Variants in CD244 observed in about 807,000 individuals in gnomAD.
CD244 encodes natural killer cell receptor 2B4.
Under a neutral mutation model 45.5 loss-of-function variants are expected in CD244, and 20 were observed. The ratio of observed to expected loss-of-function variants is 0.44; its 90% CI spans 0.31 to 0.64. The LOEUF (loss-of-function observed/expected upper bound fraction) is 0.64, where lower values mean the gene tolerates loss of function less well. CD244 is among the 30% of genes least tolerant of loss of function. The pLI, the probability that CD244 is intolerant of heterozygous loss-of-function variation, is 0.08. For synonymous variants in CD244, 185 were observed against 160.5 expected (o/e 1.15, Z -1.15); for missense variants, 407 against 426.9 (o/e 0.95, Z 0.41).
chr1:160,853,625 A>C (rs576783231), intron 1 of CD244, among the ~76,000 whole-genome samples: 1 of 152,096 alleles, frequency 6.6e-6, no homozygotes, highest in Non-Finnish European at 1.5e-5. Context: ...CCCATTGTGG[A>C]AACATTACCA....
At chr1:160,855,674 G>C (rs1051363766) in intron 1 of CD244, among the ~76,000 whole-genome samples, 1 of 152,346 alleles carries the variant, frequency 6.6e-6, no homozygotes, top group African/African-American at 2.4e-5. Context: ...AGAGGCCACA[G>C]TCCAGGAAGG....
At chr1:160,862,592 C>G (rs372332184) in intron 1 of CD244, 25 bp downstream of exon 1, 13 of 1,610,198 alleles carry the variant, frequency 8.1e-6, no homozygotes, top group Non-Finnish European at 1.0e-5. Context: ...CCTCCCTCGC[C>G]CCACGCCAGG....
rs191986949 is a variant in CD244 at position 160,830,863 on chromosome 1, C to T, written c.*484G>A. 1.1e-4 allele frequency: 17 copies of T among 156,448 alleles called. No individual in the cohort carries two copies. The highest frequency in any genetic ancestry group is 4.3e-4 in the Admixed American group (7 of 16,216). The allele number at this position is 156,448 out of a possible 1,614,324, so 9.7% of individuals were successfully genotyped here. Reference sequence around the variant, plus strand: ...CAGAACCTGCCAGCCAGTTCACAGCCGGACAGTCCAGGCTTTCAGAGGAGG... The same window carrying T: ...CAGAACCTGCCAGCCAGTTCACAGCTGGACAGTCCAGGCTTTCAGAGGAGG... On this transcript the variant is annotated 3_prime_UTR_variant, in exon 9 of 9. Coordinates refer to ENST00000368034, the MANE Select transcript of CD244 (RefSeq NM_016382.4).
intron 1 of CD244, among the ~76,000 whole-genome samples, chr1:160,855,578 C>G (rs74124344): frequency 0.018 from 2,722 of 152,298 alleles, 77 homozygotes; most frequent in African/African-American, 0.062. Flanking sequence ...TGAAATGCTA[C>G]TACGAAAACA....
chr1:160,836,874 A>C (rs2101864703), intron 5 of CD244, among the ~76,000 whole-genome samples: 1 of 152,358 alleles, frequency 6.6e-6, no homozygotes, highest in South Asian at 2.1e-4. Context: ...CAGTGGAGGC[A>C]GCAGGGTTCA....
At chr1:160,838,661 C>G (rs1046971780) in intron 4 of CD244, 143 bp from the exon 5 acceptor site, 6 of 679,272 alleles carry the variant, frequency 8.8e-6, no homozygotes, top group African/African-American at 3.6e-5. Context: ...TTCCCAGGAA[C>G]CCCAAAGAGC....
rs1309236517 is a variant in CD244, at chr1:160,831,221, A to G, written c.*126T>C. 2 of 700,754 alleles carry G rather than the reference A, an allele frequency of 2.9e-6. No homozygotes were observed. The highest frequency in any genetic ancestry group is 3.6e-5 in the African/African-American group (2 of 56,178). The allele number at this position is 700,754 out of a possible 1,614,324, so 43.4% of individuals were successfully genotyped here. On this transcript the variant is annotated 3_prime_UTR_variant, in exon 9 of 9. Transcript: ENST00000368034. ...TCATTTTCAAAACAAAATATAGAAC[A>G]AGAACAAATTTCCATATCCTCTCCA...
chr1:160,835,665 A>T (rs1292503612), intron 6 of CD244, among the ~76,000 whole-genome samples: 5 of 152,170 alleles, frequency 3.3e-5, no homozygotes, highest in Non-Finnish European at 7.3e-5. Context: ...GACTCATGAC[A>T]CCAAATGCCA....
At chr1:160,836,327 A>C (rs1452856805) in intron 5 of CD244, 73 bp from the exon 6 acceptor site, 7 of 1,185,944 alleles carry the variant, frequency 5.9e-6, no homozygotes, top group Non-Finnish European at 7.5e-6. Flanking sequence ...AGTGGGGAAA[A>C]ACAGCACAAA....
At chr1:160,838,355 G>A (rs145204194) in intron 5 of CD244, 96 bp downstream of exon 5, 30 of 903,894 alleles carry the variant, frequency 3.3e-5, no homozygotes, top group Non-Finnish European at 4.7e-5. Flanking sequence ...AAGGACAGTC[G>A]TTCAGTCCTT....
At chr1:160,850,646 C>A (rs1669888147) in intron 1 of CD244, among the ~76,000 whole-genome samples, 1 of 152,166 alleles carries the variant, frequency 6.6e-6, no homozygotes, top group Non-Finnish European at 1.5e-5. Context: ...ATATAATAGT[C>A]TAGAAATAGA....
rs1669102831 is a variant in CD244, at chr1:160,831,244, C to CA, written c.*102_*103insT. The CA allele has an allele frequency of 3.8e-6, 3 of 794,188 alleles. No individual in the cohort carries two copies. Among genetic ancestry groups the CA allele is most frequent in the Non-Finnish European group, 6.4e-6 (3 of 467,272 alleles). 49.2% of individuals were successfully genotyped at this position (794,188 alleles called of 1,614,324 possible). Reference sequence around the variant, plus strand: ...ACAAGAACAAATTTCCATATCCTCTCCAGACTAGGAACTGTTCTATAGAGA... The same window carrying CA: ...ACAAGAACAAATTTCCATATCCTCTCACAGACTAGGAACTGTTCTATAGAGA... On this transcript the variant is annotated 3_prime_UTR_variant, in exon 9 of 9. Coordinates refer to ENST00000368034, the MANE Select transcript of CD244 (RefSeq NM_016382.4).
chr1:160,861,993 G>A lies in CD244; in HGVS notation c.61+624C>T, dbSNP rs545889068. On this transcript the variant is annotated intron_variant, in intron 1 of 8. Transcript: ENST00000368034. ...GGATCCCCAGGAGTAAATGTTAGAT[G>A]GCTCCATGCCTGGCTGACAGCTTTA... Among the ~76,000 whole-genome samples, 7 of 152,342 alleles carry A rather than the reference G, an allele frequency of 4.6e-5. No individual in the cohort carries two copies. In the East Asian group the frequency reaches 1.3e-3, roughly 29 times the overall value.
chr1:160,838,947 T>A lies in CD244; in HGVS notation c.758A>T (p.Lys253Met). The A allele has an allele frequency of 6.2e-7, 1 of 1,612,322 alleles. No homozygotes were observed. The highest frequency in any genetic ancestry group is 2.2e-5 in the East Asian group (1 of 44,878). The change falls in exon 4 of 9, where the codon AAG becomes ATG. Residue 253 changes from lysine (K) to methionine (M), a missense_variant. Lys to Met is a moderately conservative substitution (Grantham distance 95). Coordinates refer to ENST00000368034, the MANE Select transcript of CD244 (RefSeq NM_016382.4). ...AAGGACCTTCCACTCACCTGACTGC[T>A]TCTCCTTCCTCTTTCTCCTCCACAC... ...FCVWRRKRKE[K>M]QSETSPKEFL...
chr1:160,846,356 T>C (rs1182868686), intron 1 of CD244, among the ~76,000 whole-genome samples: 1 of 152,188 alleles, frequency 6.6e-6, no homozygotes, highest in African/African-American at 2.4e-5. Flanking sequence ...AATAACTGCC[T>C]ATCTAGAATT....
intron 1 of CD244, among the ~76,000 whole-genome samples, chr1:160,859,035 A>C (rs1439305805): frequency 6.6e-6 from 1 of 152,228 alleles, no homozygotes; most frequent in African/African-American, 2.4e-5. Flanking sequence ...AGGATGGAAC[A>C]TAAATGGAGA....
intron 4 of CD244, 186 bp from the exon 5 acceptor site, chr1:160,838,704 C>A: frequency 1.6e-6 from 1 of 620,978 alleles, no homozygotes; most frequent in East Asian, 2.7e-5. Context: ...CCCTCCCACA[C>A]CTCCTCCCAA....
At chr1:160,835,020 TATC>T (rs1204185391) in intron 6 of CD244, among the ~76,000 whole-genome samples, 2 of 152,226 alleles carry the variant, frequency 1.3e-5, no homozygotes, top group African/African-American at 2.4e-5. Flanking sequence ...AACTGGCAGA[TATC>T]AACCGCTCTT....
At chr1:160,859,191 C>T (rs1009189869) in intron 1 of CD244, among the ~76,000 whole-genome samples, 3 of 152,000 alleles carry the variant, frequency 2.0e-5, no homozygotes, top group African/African-American at 7.3e-5. Context: ...ATGTAGCCAG[C>T]AAAGGAGCAG....
Sources: allele counts gnomAD v4.1 joint callset (sites outside exome capture counted in the v4.1 genomes callset), GRCh38; gene constraint gnomAD v4.1.1; transcripts MANE v1.5; gene names NCBI Gene and HGNC (gene_info 2026-07-23, HGNC 2026-07-21).